Variants in PRIMA1 observed in about 807,000 individuals in gnomAD.
PRIMA1 encodes proline-rich membrane anchor 1.
A neutral mutation model predicts 17.5 loss-of-function variants in PRIMA1; 7 were observed. The observed-to-expected ratio is 0.40, with a 90% confidence interval of 0.23 to 0.75. The LOEUF (loss-of-function observed/expected upper bound fraction) is 0.75. Among genes scored for constraint, PRIMA1 ranks in the 30% least tolerant of loss-of-function variants. PRIMA1 has a pLI of 0.37. For missense variants in PRIMA1, 200 were observed against 201.8 expected (o/e 0.99, Z 0.05); for synonymous variants, 97 against 77.9 (o/e 1.25, Z -1.29).
At position 93,726,886 on chromosome 14, in the gene PRIMA1, C is replaced by T. The variant is rs2076081101; in HGVS notation, c.360-5340G>A. Among the ~76,000 whole-genome samples the T allele has an allele frequency of 6.6e-6, 1 of 152,182 alleles. No homozygotes were observed. Among genetic ancestry groups the T allele is most frequent in the South Asian group, 2.1e-4 (1 of 4,834 alleles). ...ATACACATATGTGCACATGCATGCA[C>T]ACATACATATGAATACACATATGCA... On this transcript the variant is annotated intron_variant, in intron 4 of 4. Transcript: ENST00000393140. This position sits in a 1 kb window ranked among gnomAD's most constrained non-coding sequence, Gnocchi z 4.2.
At chr14:93,771,381 CA>C (rs1885063919) in intron 3 of PRIMA1, among the ~76,000 whole-genome samples, 2 of 152,196 alleles carry the variant, frequency 1.3e-5, no homozygotes, top group South Asian at 4.1e-4. Flanking sequence ...TCTCAACCTT[CA>C]AATTCAGCCA....
At chr14:93,756,006 A>T (rs565203388) in intron 3 of PRIMA1, among the ~76,000 whole-genome samples, 1 of 152,108 alleles carries the variant, frequency 6.6e-6, no homozygotes, top group African/African-American at 2.4e-5. Context: ...CTCCCTCCCT[A>T]GCCTCGTGCT....
At chr14:93,744,954 G>A (rs2076207501) in intron 3 of PRIMA1, among the ~76,000 whole-genome samples, 1 of 152,132 alleles carries the variant, frequency 6.6e-6, no homozygotes, top group Admixed American at 6.5e-5. Flanking sequence ...TACTGTGCAG[G>A]AGGGAAGCAG....
chr14:93,777,951 G>A (rs1401869897), intron 3 of PRIMA1, among the ~76,000 whole-genome samples: 5 of 152,238 alleles, frequency 3.3e-5, no homozygotes, highest in Non-Finnish European at 5.9e-5. Flanking sequence ...GGGAGAGTGA[G>A]GAATTCTAAA....
chr14:93,731,106 T>C (rs1321481620), intron 4 of PRIMA1, among the ~76,000 whole-genome samples: 13 of 147,294 alleles, frequency 8.8e-5, no homozygotes, highest in African/African-American at 3.2e-4. Flanking sequence ...CATAGTACGC[T>C]ATGTGGCTCA....
At chr14:93,778,614 G>C (rs1885288063) in intron 3 of PRIMA1, among the ~76,000 whole-genome samples, 1 of 152,206 alleles carries the variant, frequency 6.6e-6, no homozygotes, top group Admixed American at 6.5e-5. Flanking sequence ...TAGAGGTCAG[G>C]GCTGAGGCCA....
chr14:93,740,149 T>G (rs1314245406), intron 3 of PRIMA1, among the ~76,000 whole-genome samples: 1 of 152,132 alleles, frequency 6.6e-6, no homozygotes, highest in Non-Finnish European at 1.5e-5. Flanking sequence ...ACTGGGCCTC[T>G]CAGTCAGGGC....
chr14:93,755,021 C>T (rs1205719618), intron 3 of PRIMA1, among the ~76,000 whole-genome samples: 1 of 152,172 alleles, frequency 6.6e-6, no homozygotes, highest in Non-Finnish European at 1.5e-5. Flanking sequence ...CTCGAAAGCT[C>T]TCTGGGAACT....
At chr14:93,747,913 G>A (rs970490677) in intron 3 of PRIMA1, among the ~76,000 whole-genome samples, 2 of 44,870 alleles carry the variant, frequency 4.5e-5, no homozygotes, top group Non-Finnish European at 6.6e-5. Context: ...TAAGAGTGGG[G>A]GACTGTGTGG....
intron 4 of PRIMA1, among the ~76,000 whole-genome samples, chr14:93,732,794 C>A (rs904286386): frequency 5.9e-5 from 9 of 151,790 alleles, no homozygotes; most frequent in African/African-American, 2.2e-4. Flanking sequence ...GGAAGCGATA[C>A]CTGCTGAGCC....
At chr14:93,735,878 G>A (rs1043272629) in intron 4 of PRIMA1, among the ~76,000 whole-genome samples, 19 of 151,836 alleles carry the variant, frequency 1.3e-4, no homozygotes, top group African/African-American at 4.4e-4. Context: ...TAGTAGAGAC[G>A]GGGTTTCACC....
At chr14:93,722,612 GTGGAGGTGGTAT>G (rs2076047191) in intron 4 of PRIMA1, among the ~76,000 whole-genome samples, 1 of 151,948 alleles carries the variant, frequency 6.6e-6, no homozygotes, top group Admixed American at 6.6e-5. Context: ...TTATATGGTG[GTGGAGGTGGTAT>G]TGGTGGTGGT....
intron 3 of PRIMA1, among the ~76,000 whole-genome samples, chr14:93,764,616 ATGTT>A (rs761435930): frequency 4.6e-5 from 7 of 152,154 alleles, no homozygotes; most frequent in South Asian, 2.1e-4. Context: ...GAATGAATAA[ATGTT>A]TGTGAGTGAT....
At chr14:93,722,626 G>A (rs1309154624) in intron 4 of PRIMA1, among the ~76,000 whole-genome samples, 3 of 151,852 alleles carry the variant, frequency 2.0e-5, no homozygotes, top group African/African-American at 7.3e-5. Flanking sequence ...AGGTGGTATT[G>A]GTGGTGGTGA....
intron 2 of PRIMA1, among the ~76,000 whole-genome samples, chr14:93,785,445 A>G (rs1432615399): frequency 6.6e-6 from 1 of 152,172 alleles, no homozygotes; most frequent in African/African-American, 2.4e-5. Flanking sequence ...CTTTTGCCTC[A>G]TCGACGATCC....
chr14:93,779,422 T>G, intron 2 of PRIMA1, 111 bp from the exon 3 acceptor site: 1 of 871,730 alleles, frequency 1.1e-6, no homozygotes, highest in African/African-American at 1.8e-5. Context: ...TTGGGATTCC[T>G]TTCCAAGACC....
At chr14:93,777,188 C>T (rs1322520650) in intron 3 of PRIMA1, among the ~76,000 whole-genome samples, 1 of 152,184 alleles carries the variant, frequency 6.6e-6, no homozygotes, top group Non-Finnish European at 1.5e-5. Context: ...CTTCTAGGTC[C>T]TCCTCCTTGG....
intron 4 of PRIMA1, among the ~76,000 whole-genome samples, chr14:93,727,360 G>A (rs923783516): frequency 6.6e-6 from 1 of 152,188 alleles, no homozygotes; most frequent in African/African-American, 2.4e-5. Flanking sequence ...TTTGATCTAG[G>A]GCAGAGCCCT....
intron 3 of PRIMA1, among the ~76,000 whole-genome samples, chr14:93,776,005 A>G (rs1280435533): frequency 1.3e-5 from 2 of 152,216 alleles, no homozygotes; most frequent in Admixed American, 1.3e-4. Context: ...CAGCCTCAGG[A>G]CTTCCCTCGG....
Sources: gnomAD v4.1 joint callset for allele counts (sites outside exome capture counted in the v4.1 genomes callset) on GRCh38, gnomAD v4.1.1 for gene constraint, Gnocchi (gnomAD v3.1) non-coding constraint, MANE v1.5 for transcripts, NCBI Gene and HGNC (gene_info 2026-07-23, HGNC 2026-07-21) for gene names.